The following ZC3H8 variants were observed in gnomAD, a reference collection of about 807,000 sequenced individuals.
ZC3H8 encodes the protein zinc finger CCCH domain-containing protein 8.
A neutral mutation model predicts 42.5 loss-of-function variants in ZC3H8; 27 were observed. That is an observed-to-expected ratio of 0.64 (90% CI 0.47 to 0.88). ZC3H8 has a LOEUF of 0.88. ZC3H8 is among the 40% of genes least tolerant of loss of function. The probability of loss-of-function intolerance (pLI) is 0.00; values close to 1 mark genes in which losing one functional copy is unlikely to be tolerated. For synonymous variants in ZC3H8, 101 were observed against 110.1 expected (o/e 0.92, Z 0.52); for missense variants, 277 against 336.1 (o/e 0.82, Z 1.37).
intron 8 of ZC3H8, among the ~76,000 whole-genome samples, chr2:112,227,381 C>T (rs537838954): frequency 4.8e-4 from 73 of 152,208 alleles, no homozygotes; most frequent in African/African-American, 1.5e-3. Flanking sequence ...AAAAATTAGC[C>T]GGGCGTGGTG....
Position 112,215,284 on chromosome 2 carries a change from G to A in ZC3H8, c.*1200C>T, listed in dbSNP as rs1684280263. 1 of 152,102 alleles carries A rather than the reference G, an allele frequency of 6.6e-6. No individual in the cohort carries two copies. Among genetic ancestry groups the A allele is most frequent in the Admixed American group, 6.5e-5 (1 of 15,280 alleles). The allele number at this position is 152,102 out of a possible 1,614,324, so 9.4% of individuals were successfully genotyped here. A position where few individuals can be genotyped will look rare whatever the true frequency, so the allele number is the denominator to read the frequency against. ...ATAAGAAGTGCCTTGCCCACCTCCC[G>A]AGCCACAGCTGAGAAGCGAACCAAT... On this transcript the variant is annotated 3_prime_UTR_variant, in exon 9 of 9. Coordinates refer to ENST00000409573, the MANE Select transcript of ZC3H8 (RefSeq NM_032494.3).
intron 8 of ZC3H8, among the ~76,000 whole-genome samples, chr2:112,223,651 G>A (rs1258817442): frequency 1.3e-5 from 2 of 152,080 alleles, no homozygotes; most frequent in African/African-American, 2.4e-5. Context: ...AAGAAGAAAT[G>A]CTAACAATCA....
chr2:112,221,426 G>A (rs1684581060), intron 8 of ZC3H8, among the ~76,000 whole-genome samples: 1 of 152,164 alleles, frequency 6.6e-6, no homozygotes, highest in African/African-American at 2.4e-5. Flanking sequence ...TAAGTTTCCT[G>A]AGGCCTCCTC....
intron 8 of ZC3H8, among the ~76,000 whole-genome samples, chr2:112,219,326 A>G (rs1411322997): frequency 2.0e-5 from 3 of 152,224 alleles, no homozygotes; most frequent in Admixed American, 1.3e-4. Context: ...AGACCATTCA[A>G]TGAAGGAAGG....
intron 8 of ZC3H8, 33 bp downstream of exon 8, chr2:112,230,870 G>GA: frequency 1.6e-6 from 2 of 1,266,566 alleles, no homozygotes; most frequent in East Asian, 4.0e-5. Context: ...GTTCAGACAA[G>GA]AAAAAAAGAA....
intron 8 of ZC3H8, among the ~76,000 whole-genome samples, chr2:112,223,222 C>T (rs1020466956): frequency 1.3e-5 from 2 of 150,680 alleles, no homozygotes; most frequent in Non-Finnish European, 3.0e-5. Flanking sequence ...CAAACCTGCA[C>T]GTTGTGCACA....
Position 112,215,537 on chromosome 2 carries a change from C to T in ZC3H8, c.*947G>A, listed in dbSNP as rs1290092470. The T allele has an allele frequency of 6.6e-6, 1 of 152,162 alleles. No individual in the cohort carries two copies. Among genetic ancestry groups the T allele is most frequent in the Non-Finnish European group, 1.5e-5 (1 of 68,016 alleles). 9.4% of individuals were successfully genotyped at this position (152,162 alleles called of 1,614,324 possible). On this transcript the variant is annotated 3_prime_UTR_variant, in exon 9 of 9. Transcript: ENST00000409573. ...CAAATAGGACTTTGCTAAGAAGTATCACTAGCTTTGGTGTACTCTGTATGT... is the reference window on the plus strand; with the variant it reads ...CAAATAGGACTTTGCTAAGAAGTATTACTAGCTTTGGTGTACTCTGTATGT...
intron 8 of ZC3H8, among the ~76,000 whole-genome samples, chr2:112,226,395 T>A (rs1684838321): frequency 6.6e-6 from 1 of 151,910 alleles, no homozygotes. Context: ...AAGACCATCC[T>A]GGCTAACACG....
At chr2:112,217,679 AG>A (rs1223408560) in intron 8 of ZC3H8, among the ~76,000 whole-genome samples, 1 of 152,220 alleles carries the variant, frequency 6.6e-6, no homozygotes, top group Non-Finnish European at 1.5e-5. Context: ...AACAGTCTTT[AG>A]GTACAGGAAA....
intron 8 of ZC3H8, 196 bp downstream of exon 8, chr2:112,230,707 T>TA: frequency 4.0e-6 from 1 of 248,232 alleles, no homozygotes; most frequent in Non-Finnish European, 7.7e-6. Flanking sequence ...ATATACCTGA[T>TA]AGACAAGCCC....
At position 112,239,579 on chromosome 2, in the gene ZC3H8, C is replaced by CTTTTTTT. The variant is rs200972008; in HGVS notation, c.157-1058_157-1052dup. Among the ~76,000 whole-genome samples the CTTTTTTT allele has an allele frequency of 5.3e-3, 460 of 86,468 alleles. 3 individuals carry two copies. The highest frequency in any genetic ancestry group is 7.9e-3 in the Non-Finnish European group (362 of 45,848). 56.7% of individuals were successfully genotyped at this position (86,468 alleles called of 152,430 possible). On this transcript the variant is annotated intron_variant, in intron 2 of 8. Coordinates refer to ENST00000409573, the MANE Select transcript of ZC3H8 (RefSeq NM_032494.3). ...TTAGGTGGCCCAATTTAACAGTTTACTTTTTTTTTTTTTTTTTTTTTTTTT... is the reference window on the plus strand; with the variant it reads ...TTAGGTGGCCCAATTTAACAGTTTACTTTTTTTTTTTTTTTTTTTTTTTTTTTTTTTT...
Position 112,233,373 on chromosome 2 carries a change from T to C in ZC3H8, c.622-2A>G. ...ATGATCAAATTTACACTGGTCTCCCTAGGCCAAAAGAAGGAGCAAGGAAAA... is the reference window on the plus strand; with the variant it reads ...ATGATCAAATTTACACTGGTCTCCCCAGGCCAAAAGAAGGAGCAAGGAAAA... On this transcript the variant is annotated splice_acceptor_variant, in intron 5 of 8. Transcript: ENST00000409573. LOFTEE classifies it high-confidence loss of function. 6.4e-7 allele frequency: 1 copy of C among 1,563,634 alleles called. No individual in the cohort carries two copies. Among genetic ancestry groups the C allele is most frequent in the Admixed American group, 1.9e-5 (1 of 51,960 alleles).
Position 112,213,247 on chromosome 2 carries a change from G to A in ZC3H8, c.*3237C>T, listed in dbSNP as rs1265532121. ...GGCCTCCCAAAGTGCCGAGATTCAA[G>A]GTGTGAGCCACTGCACCCGGCCTGA... On this transcript the variant is annotated 3_prime_UTR_variant, in exon 9 of 9. Transcript: ENST00000409573. The A allele has an allele frequency of 6.6e-6, 1 of 152,166 alleles. No individual in the cohort carries two copies. The highest frequency in any genetic ancestry group is 6.5e-5 in the Admixed American group (1 of 15,270). 9.4% of individuals were successfully genotyped at this position (152,166 alleles called of 1,614,324 possible).
At chr2:112,238,181 T>C in intron 3 of ZC3H8, 134 bp downstream of exon 3, 1 of 924,660 alleles carries the variant, frequency 1.1e-6, no homozygotes, top group Non-Finnish European at 1.6e-6. Context: ...CAAGCTCATG[T>C]CTGGTATAAA....
chr2:112,233,426 A>G (rs1170133926), intron 5 of ZC3H8, 55 bp from the exon 6 acceptor site: 8 of 1,169,228 alleles, frequency 6.8e-6, no homozygotes, highest in Non-Finnish European at 9.8e-6. Flanking sequence ...TCAAGTCATT[A>G]TGATTTAATT....
At chr2:112,246,781 C>T (rs1345534699) in intron 2 of ZC3H8, among the ~76,000 whole-genome samples, 1 of 152,198 alleles carries the variant, frequency 6.6e-6, no homozygotes, top group African/African-American at 2.4e-5. Flanking sequence ...GTTGATAAAG[C>T]AGTGGCAGGG....
At chr2:112,252,365 T>G (rs1685980941) in intron 1 of ZC3H8, among the ~76,000 whole-genome samples, 1 of 152,118 alleles carries the variant, frequency 6.6e-6, no homozygotes, top group African/African-American at 2.4e-5. Flanking sequence ...CCATCCAATC[T>G]CTGAGGAAAT....
chr2:112,241,641 A>C (rs1685589785), intron 2 of ZC3H8, among the ~76,000 whole-genome samples: 1 of 152,246 alleles, frequency 6.6e-6, no homozygotes, highest in South Asian at 2.1e-4. Context: ...CAGTATCAGC[A>C]GTGCCTGTGA....
intron 8 of ZC3H8, among the ~76,000 whole-genome samples, chr2:112,220,665 T>C (rs1298587249): frequency 6.6e-6 from 1 of 152,074 alleles, no homozygotes; most frequent in Non-Finnish European, 1.5e-5. Context: ...TCATTAAAAA[T>C]ACAAAATTAG....
Sources: gnomAD v4.1 joint callset for allele counts (sites outside exome capture counted in the v4.1 genomes callset) on GRCh38, gnomAD v4.1.1 for gene constraint, MANE v1.5 for transcripts, NCBI Gene and HGNC (gene_info 2026-07-23, HGNC 2026-07-21) for gene names.